The following KAZN variants were observed in gnomAD, a reference collection of about 807,000 sequenced individuals.
KAZN encodes the protein kazrin.
A neutral mutation model predicts 87.4 loss-of-function variants in KAZN; 40 were observed. The observed-to-expected ratio is 0.46, with a 90% CI of 0.36 to 0.60. The LOEUF is 0.60. Among genes scored for constraint, KAZN ranks in the 20% least tolerant of loss-of-function variants. The pLI, the probability that KAZN is intolerant of heterozygous loss-of-function variation, is 0.00. For synonymous variants in KAZN, 466 were observed against 458.3 expected, an observed-to-expected ratio of 1.02 and a Z score of -0.22; for missense variants, 898 against 1,073.9, an observed-to-expected ratio of 0.84 and a Z score of 2.29.
chr1:14,906,559 T>TA (rs1472763166), intron 1 of KAZN, among the ~76,000 whole-genome samples: 1 of 151,770 alleles, frequency 6.6e-6, no homozygotes, highest in Non-Finnish European at 1.5e-5. Flanking sequence ...TTCTGCCCCA[T>TA]AAAAAGAAAA....
At chr1:14,251,190 T>G (rs1307679151) in intron 2 of KAZN, among the ~76,000 whole-genome samples, 1 of 152,188 alleles carries the variant, frequency 6.6e-6, no homozygotes, top group Non-Finnish European at 1.5e-5. Context: ...ACATTGACAT[T>G]GCCAATGACA....
chr1:13,996,341 C>T (rs1210898586), intron 1 of KAZN, among the ~76,000 whole-genome samples: 1 of 152,112 alleles, frequency 6.6e-6, no homozygotes, highest in East Asian at 1.9e-4. Flanking sequence ...GGAGGGGCAA[C>T]CAGCACCATA....
intron 1 of KAZN, among the ~76,000 whole-genome samples, chr1:14,038,304 A>T (rs1308935916): frequency 4.6e-5 from 7 of 152,182 alleles, no homozygotes; most frequent in Non-Finnish European, 1.0e-4. Flanking sequence ...GAGGTCAGAC[A>T]TCATTGAGAA....
At chr1:13,964,055 A>G (rs2101031844) in intron 1 of KAZN, among the ~76,000 whole-genome samples, 1 of 152,318 alleles carries the variant, frequency 6.6e-6, no homozygotes, top group African/African-American at 2.4e-5. Context: ...AAGTGCTCAA[A>G]TAGTGGTGGT....
chr1:14,190,278 G>A (rs959798589), intron 2 of KAZN, among the ~76,000 whole-genome samples: 1 of 152,148 alleles, frequency 6.6e-6, no homozygotes, highest in Non-Finnish European at 1.5e-5. Context: ...GGTAGTGAAA[G>A]ATTATTGAGT....
chr1:15,043,432 A>G (rs902220586), intron 3 of KAZN, among the ~76,000 whole-genome samples: 6 of 152,138 alleles, frequency 3.9e-5, no homozygotes, highest in African/African-American at 1.4e-4. Context: ...CCCAGACTCG[A>G]TGAGGTAGAA....
At chr1:14,045,808 T>C (rs539389455) in intron 1 of KAZN, among the ~76,000 whole-genome samples, 1 of 152,330 alleles carries the variant, frequency 6.6e-6, no homozygotes, top group East Asian at 1.9e-4. Context: ...GTAAAGGACT[T>C]AACATAGTAC....
chr1:14,397,089 G>A (rs1435146997), intron 2 of KAZN, among the ~76,000 whole-genome samples: 2 of 152,144 alleles, frequency 1.3e-5, no homozygotes, highest in African/African-American at 4.8e-5. Context: ...ACTGAAATAG[G>A]ATTGCAGTAA....
intron 1 of KAZN, among the ~76,000 whole-genome samples, chr1:14,926,538 T>G (rs1659189957): frequency 6.6e-6 from 1 of 152,156 alleles, no homozygotes; most frequent in South Asian, 2.1e-4. Flanking sequence ...ACCAGAAAGT[T>G]TTGAGTTTTC....
rs539292916 is a variant in KAZN, at chr1:14,503,205, C to T, written c.250-95778C>T. Among the ~76,000 whole-genome samples the T allele has an allele frequency of 7.2e-5, 11 of 151,964 alleles. No individual in the cohort carries two copies. The East Asian group carries it at 1.8e-3, about 24-fold the overall frequency. The stretch of plus-strand genomic sequence containing the variant: ...TATTATTAAGATTCAATGAACTGGC[C>T]GTGCGTGGTGGCTCGTGCCTGTAAT... On this transcript the variant is annotated intron_variant, in intron 2 of 16. Transcript: ENST00000636203.
At chr1:14,173,128 G>A (rs906230107) in intron 1 of KAZN, among the ~76,000 whole-genome samples, 1 of 152,150 alleles carries the variant, frequency 6.6e-6, no homozygotes, top group African/African-American at 2.4e-5. Context: ...TATTTCTCAA[G>A]GGGAGGAGTA....
At chr1:14,522,865 G>A (rs924793142) in intron 2 of KAZN, among the ~76,000 whole-genome samples, 6 of 152,128 alleles carry the variant, frequency 3.9e-5, no homozygotes, top group Admixed American at 1.3e-4. Context: ...AATTTCAATC[G>A]TGACTACTCC....
chr1:13,932,506 CG>C (rs1480546043), intron 1 of KAZN, among the ~76,000 whole-genome samples: 1 of 151,864 alleles, frequency 6.6e-6, no homozygotes, highest in Non-Finnish European at 1.5e-5. Context: ...GTGATCCGCC[CG>C]CCTCGGCCTC....
intron 1 of KAZN, among the ~76,000 whole-genome samples, chr1:14,126,356 C>A (rs12066016): frequency 0.61 from 86,610 of 141,762 alleles, 26,276 homozygotes; most frequent in East Asian, 0.78. Context: ...TCTCCCCTCC[C>A]CCCCCCCGTC....
chr1:14,580,200 G>C (rs80131117), intron 2 of KAZN, among the ~76,000 whole-genome samples: 4,770 of 152,292 alleles, frequency 0.031, 99 homozygotes, highest in Middle Eastern at 0.054. Context: ...TTGAGGCCAG[G>C]CAAGGTGGCT....
intron 2 of KAZN, among the ~76,000 whole-genome samples, chr1:14,535,237 C>T (rs1400741994): frequency 6.6e-6 from 1 of 152,210 alleles, no homozygotes; most frequent in Non-Finnish European, 1.5e-5. Context: ...CTGTGACAAT[C>T]CCCAACCCTG....
chr1:14,640,243 G>T (rs1398004085), intron 1 of KAZN, among the ~76,000 whole-genome samples: 3 of 152,134 alleles, frequency 2.0e-5, no homozygotes, highest in African/African-American at 7.2e-5. Flanking sequence ...ATTTGTGTGT[G>T]CCAGGTTTCA....
chr1:14,000,049 T>C (rs554879176), intron 1 of KAZN, among the ~76,000 whole-genome samples: 1 of 152,274 alleles, frequency 6.6e-6, no homozygotes, highest in East Asian at 1.9e-4. Context: ...ATTGAGGCAA[T>C]AATTAATAGC....
At chr1:14,381,262 A>G (rs528605477) in intron 2 of KAZN, among the ~76,000 whole-genome samples, 1 of 152,316 alleles carries the variant, frequency 6.6e-6, no homozygotes, top group Admixed American at 6.5e-5. Context: ...TATAAAGCAA[A>G]TATTATTAGA....
Sources: allele counts gnomAD v4.1 joint callset (sites outside exome capture counted in the v4.1 genomes callset), GRCh38; gene constraint gnomAD v4.1.1; transcripts MANE v1.5; gene names NCBI Gene and HGNC (gene_info 2026-07-23, HGNC 2026-07-21).